The following ZNF484 variants were observed in gnomAD, a reference collection of about 807,000 sequenced individuals.
ZNF484 encodes zinc finger protein 484.
A neutral mutation model predicts 12.9 loss-of-function variants in ZNF484; 11 were observed. That is an observed-to-expected ratio of 0.85 (90% confidence interval 0.54 to 1.41). The LOEUF is 1.41. ZNF484 is among the 40% of genes most tolerant of loss of function. ZNF484 has a pLI of 0.00. For synonymous variants in ZNF484, 289 were observed against 334.1 expected (o/e 0.86, Z 1.47); for missense variants, 807 against 1,007.7 (o/e 0.80, Z 2.70).
intron 2 of ZNF484, among the ~76,000 whole-genome samples, chr9:92,865,013 TCA>T (rs201294012): frequency 1.6e-4 from 24 of 148,634 alleles, no homozygotes; most frequent in African/African-American, 3.2e-4. Flanking sequence ...TAGACAGAAA[TCA>T]CACACACACA....
chr9:92,858,618 T>G (rs1255686110), intron 2 of ZNF484, among the ~76,000 whole-genome samples: 1 of 151,866 alleles, frequency 6.6e-6, no homozygotes, highest in African/African-American at 2.4e-5. Flanking sequence ...GAAATAATAA[T>G]GCAAAAATGG....
At position 92,847,916 on chromosome 9, in the gene ZNF484, T is replaced by C. The variant is rs1404784582; in HGVS notation, c.871A>G (p.Lys291Glu). The C allele has an allele frequency of 6.2e-7, 1 of 1,614,206 alleles. No homozygotes were observed. The highest frequency in any genetic ancestry group is 1.7e-5 in the Admixed American group (1 of 60,024). ...CTCTGACTGCCATCAAGCTGGGACT[T>C]CTGAGTGAAGACTGCCTCACATTCA... ...CHECEAVFTQ[K>E]SQLDGSQRVY... The change falls in exon 5 of 5, where the codon AAG (lysine) becomes GAG (glutamate). Residue 291 changes from lysine (K) to glutamate (E), a missense_variant. Lys to Glu is a moderately conservative substitution (Grantham distance 56). Coordinates refer to ENST00000375495, the MANE Select transcript of ZNF484 (RefSeq NM_031486.4).
chr9:92,857,830 G>A (rs892078635), intron 2 of ZNF484, among the ~76,000 whole-genome samples: 1 of 152,022 alleles, frequency 6.6e-6, no homozygotes, highest in African/African-American at 2.4e-5. Context: ...GCACAAACAC[G>A]ACTCACTGCA....
chr9:92,863,263 T>C (rs10739932), intron 2 of ZNF484, among the ~76,000 whole-genome samples: 49,951 of 124,058 alleles, frequency 0.4, 9,756 homozygotes, highest in Middle Eastern at 0.5. Flanking sequence ...CTGGGGCCTG[T>C]TGGGGAAGGG....
chr9:92,846,919 A>ATCT lies in ZNF484; in HGVS notation c.1867_1868insAGA (p.Leu623delinsGlnIle). The ATCT allele has an allele frequency of 6.2e-7, 1 of 1,613,974 alleles. No homozygotes were observed. Among genetic ancestry groups the ATCT allele is most frequent in the Non-Finnish European group, 8.5e-7 (1 of 1,179,988 alleles). On this transcript the variant is annotated protein_altering_variant, in exon 5 of 5. Coordinates refer to ENST00000375495, the MANE Select transcript of ZNF484 (RefSeq NM_031486.4). ...TGTGTGAATCTGCTGATGTACGTGGAGCTGTGATTTCTTAGTGAAGGATTT... is the reference window on the plus strand; with the variant it reads ...TGTGTGAATCTGCTGATGTACGTGGATCTGCTGTGATTTCTTAGTGAAGGATTT...
At chr9:92,875,317 T>A (rs2118295933) in intron 1 of ZNF484, among the ~76,000 whole-genome samples, 1 of 152,376 alleles carries the variant, frequency 6.6e-6, no homozygotes, top group African/African-American at 2.4e-5. Context: ...CTTTATAAAA[T>A]ATCCAAAGGA....
intron 2 of ZNF484, among the ~76,000 whole-genome samples, chr9:92,871,396 G>T (rs1367489915): frequency 6.6e-6 from 1 of 152,066 alleles, no homozygotes; most frequent in East Asian, 1.9e-4. Context: ...AAAACAGACT[G>T]AGAAAAAAAG....
intron 2 of ZNF484, among the ~76,000 whole-genome samples, chr9:92,859,416 C>T (rs918730480): frequency 3.9e-5 from 6 of 152,182 alleles, no homozygotes; most frequent in Non-Finnish European, 7.4e-5. Context: ...TGAGTTAGTT[C>T]CCTAGAGGGA....
At chr9:92,859,246 C>T (rs1364063142) in intron 2 of ZNF484, among the ~76,000 whole-genome samples, 1 of 152,130 alleles carries the variant, frequency 6.6e-6, no homozygotes, top group East Asian at 1.9e-4. Flanking sequence ...AGGATTGAGA[C>T]TTCTGGTTCT....
At chr9:92,855,932 A>C in intron 3 of ZNF484, 29 bp from the exon 4 acceptor site, 8 of 1,609,130 alleles carry the variant, frequency 5.0e-6, no homozygotes, top group Non-Finnish European at 5.9e-6. Context: ...AGAGGACTTG[A>C]TTTCAGAGGC....
At position 92,848,422 on chromosome 9, in the gene ZNF484, T is replaced by C; in HGVS notation, c.365A>G (p.Asp122Gly). Reference protein sequence around the residue: ...YSILEELWKDDEHTRKCGENQ... With the variant: ...YSILEELWKDGEHTRKCGENQ... Reference sequence around the variant, plus strand: ...TTCTCCACATTTTCTTGTGTGTTCATCGTCTTTCCACAATTCTTCTAAAAT... The same window carrying C: ...TTCTCCACATTTTCTTGTGTGTTCACCGTCTTTCCACAATTCTTCTAAAAT... Residue 122 changes from aspartate to glycine, a missense_variant, in exon 5 of 5, where the codon GAT (aspartate) becomes GGT (glycine). Asp to Gly is a moderately conservative substitution (Grantham distance 94). Coordinates refer to ENST00000375495, the MANE Select transcript of ZNF484 (RefSeq NM_031486.4). This position sits in a 1 kb window ranked among gnomAD's most constrained non-coding sequence, Gnocchi z 4.1. The C allele has an allele frequency of 6.2e-7, 1 of 1,614,210 alleles. No homozygotes were observed. Among genetic ancestry groups the C allele is most frequent in the South Asian group, 1.1e-5 (1 of 91,086 alleles).
At position 92,855,201 on chromosome 9, in the gene ZNF484, AAAAT is replaced by A. The variant is rs371393132; in HGVS notation, c.235+606_235+609del. 1.1e-4 allele frequency among the ~76,000 whole-genome samples: 17 copies of A among 152,320 alleles called. 2 individuals carry two copies. In the East Asian group the frequency reaches 3.1e-3, roughly 28 times the overall value. On this transcript the variant is annotated intron_variant, in intron 4 of 4. Transcript: ENST00000375495. The stretch of plus-strand genomic sequence containing the variant: ...GATAAAAAACTTTGTGTAAGATATG[AAAAT>A]AAATAAATTAGAAAGATCAAGTCAG...
chr9:92,857,087 C>T (rs1269089456), intron 2 of ZNF484, among the ~76,000 whole-genome samples: 1 of 152,190 alleles, frequency 6.6e-6, no homozygotes, highest in Non-Finnish European at 1.5e-5. Flanking sequence ...TTTTTCAGCA[C>T]TGCCATTTCC....
Position 92,873,877 on chromosome 9 carries a change from C to A in ZNF484, c.15+1138G>T, listed in dbSNP as rs374835906. Among the ~76,000 whole-genome samples, 19 of 152,078 alleles carry A rather than the reference C, an allele frequency of 1.2e-4. No individual in the cohort carries two copies. In the East Asian group the frequency reaches 3.5e-3, roughly 28 times the overall value. On this transcript the variant is annotated intron_variant, in intron 2 of 4. Transcript: ENST00000375495. ...ACAGAAAGAAAAAAAAAAGCGATATCCTTCATAAATATGATACAAAAACCC... is the reference window on the plus strand; with the variant it reads ...ACAGAAAGAAAAAAAAAAGCGATATACTTCATAAATATGATACAAAAACCC...
At chr9:92,865,028 CAG>C (rs1199904785) in intron 2 of ZNF484, among the ~76,000 whole-genome samples, 12 of 151,450 alleles carry the variant, frequency 7.9e-5, no homozygotes, top group Non-Finnish European at 1.5e-5. Context: ...CACACACACA[CAG>C]AGAGAGAGAG....
chr9:92,869,980 A>C (rs1857335116), intron 2 of ZNF484, among the ~76,000 whole-genome samples: 2 of 152,272 alleles, frequency 1.3e-5, no homozygotes, highest in East Asian at 1.9e-4. Context: ...AAAACGTATA[A>C]GACTATGCTT....
chr9:92,863,690 T>C (rs62572373), intron 2 of ZNF484, among the ~76,000 whole-genome samples: 25,790 of 152,146 alleles, frequency 0.17, 2,387 homozygotes, highest in East Asian at 0.42. Flanking sequence ...TATACTGAAG[T>C]AGAGATTGAT....
intron 2 of ZNF484, among the ~76,000 whole-genome samples, chr9:92,867,690 G>T (rs1857190997): frequency 6.6e-6 from 1 of 152,160 alleles, no homozygotes; most frequent in African/African-American, 2.4e-5. Flanking sequence ...GTGAAGAAAA[G>T]AGTCCTTAAA....
intron 2 of ZNF484, among the ~76,000 whole-genome samples, chr9:92,867,260 C>T (rs573129770): frequency 3.3e-5 from 5 of 152,226 alleles, no homozygotes; most frequent in Admixed American, 1.3e-4. Context: ...GGGTGGATCA[C>T]GAGGTCAGGA....
Sources: allele counts gnomAD v4.1 joint callset (sites outside exome capture counted in the v4.1 genomes callset), GRCh38; gene constraint gnomAD v4.1.1; non-coding constraint Gnocchi (gnomAD v3.1); transcripts MANE v1.5; gene names NCBI Gene and HGNC (gene_info 2026-07-23, HGNC 2026-07-21).